Variants in KCNN2 observed in about 807,000 individuals in gnomAD.
KCNN2 encodes the protein small conductance calcium-activated potassium channel protein 2.
A neutral mutation model predicts 55.5 loss-of-function variants in KCNN2; 24 were observed. That is an observed-to-expected ratio of 0.43 (90% CI 0.31 to 0.61). The LOEUF (loss-of-function observed/expected upper bound fraction) is 0.61, where lower values mean the gene tolerates loss of function less well. Ranked by LOEUF, KCNN2 falls within the 20% of genes least tolerant of loss-of-function variation. The pLI, the probability that KCNN2 is intolerant of heterozygous loss-of-function variation, is 0.08. For synonymous variants in KCNN2, 431 were observed against 336.1 expected, an observed-to-expected ratio of 1.28 and a Z score of -3.09; for missense variants, 754 against 853.6, an observed-to-expected ratio of 0.88 and a Z score of 1.45.
chr5:114,272,351 T>A (rs1244453683), intron 2 of KCNN2, among the ~76,000 whole-genome samples: 1 of 49,148 alleles, frequency 2.0e-5, no homozygotes, highest in Admixed American at 2.9e-4. Context: ...TATATGTATG[T>A]ACATACCATA....
intron 1 of KCNN2, among the ~76,000 whole-genome samples, chr5:114,082,860 A>G (rs561387820): frequency 1.3e-5 from 2 of 152,304 alleles, no homozygotes; most frequent in Admixed American, 6.5e-5. Flanking sequence ...AAGATCGTCA[A>G]AATCATAGCC....
intron 1 of KCNN2, among the ~76,000 whole-genome samples, chr5:114,060,379 C>T (rs1354070295): frequency 2.6e-5 from 4 of 152,244 alleles, no homozygotes; most frequent in Non-Finnish European, 5.9e-5. Flanking sequence ...TCCCTTATGT[C>T]CCTTATTTAC....
chr5:114,466,048 A>C (rs905575822), intron 4 of KCNN2, among the ~76,000 whole-genome samples: 1 of 152,106 alleles, frequency 6.6e-6, no homozygotes, highest in Non-Finnish European at 1.5e-5. Context: ...AGAATGTAGA[A>C]ATTTCTTCAT....
At chr5:114,349,565 A>G (rs978095079) in intron 2 of KCNN2, among the ~76,000 whole-genome samples, 2 of 152,104 alleles carry the variant, frequency 1.3e-5, no homozygotes, top group African/African-American at 4.8e-5. Flanking sequence ...CAAAATTCAA[A>G]AAAATAAAAA....
chr5:114,484,422 A>G (rs1020330140), intron 5 of KCNN2, among the ~76,000 whole-genome samples: 2 of 152,216 alleles, frequency 1.3e-5, no homozygotes, highest in African/African-American at 4.8e-5. Context: ...TTACTACACA[A>G]TGTATTCATG....
At chr5:114,133,838 G>T (rs1752117246) in intron 1 of KCNN2, among the ~76,000 whole-genome samples, 1 of 152,148 alleles carries the variant, frequency 6.6e-6, no homozygotes. Flanking sequence ...GAGTCCGATG[G>T]TATTTTACAA....
chr5:114,456,183 T>C (rs1443157413), intron 3 of KCNN2, among the ~76,000 whole-genome samples: 2 of 152,206 alleles, frequency 1.3e-5, no homozygotes, highest in African/African-American at 4.8e-5. Flanking sequence ...ACACATGAAC[T>C]GTCTTGTTAG....
chr5:114,260,587 T>C (rs1371855786), intron 2 of KCNN2, among the ~76,000 whole-genome samples: 1 of 152,234 alleles, frequency 6.6e-6, no homozygotes, highest in South Asian at 2.1e-4. Context: ...TGTATCCCTG[T>C]ACCTAGCACA....
chr5:114,189,152 G>GTT (rs1213554017), intron 1 of KCNN2, among the ~76,000 whole-genome samples: 1 of 151,602 alleles, frequency 6.6e-6, no homozygotes, highest in East Asian at 1.9e-4. Flanking sequence ...GTGTGTGTGT[G>GTT]TGTATGTGTG....
chr5:114,138,755 A>T (rs1395832394), intron 1 of KCNN2, among the ~76,000 whole-genome samples: 1 of 152,124 alleles, frequency 6.6e-6, no homozygotes, highest in African/African-American at 2.4e-5. Context: ...GGACCCAGAT[A>T]TCTGTAAGGA....
At chr5:114,087,652 C>T (rs1236839911) in intron 1 of KCNN2, among the ~76,000 whole-genome samples, 1 of 152,080 alleles carries the variant, frequency 6.6e-6, no homozygotes, top group Non-Finnish European at 1.5e-5. Context: ...TACCACTTTA[C>T]TTTCTAAAAT....
intron 2 of KCNN2, among the ~76,000 whole-genome samples, chr5:114,290,932 G>A (rs1755874089): frequency 1.3e-5 from 2 of 151,934 alleles, no homozygotes; most frequent in South Asian, 2.1e-4. Context: ...GCTTCATGAA[G>A]CTAGAACCAT....
chr5:114,449,734 A>G (rs1321523340), intron 3 of KCNN2, among the ~76,000 whole-genome samples: 1 of 151,874 alleles, frequency 6.6e-6, no homozygotes, highest in African/African-American at 2.4e-5. Context: ...AAAAATATCC[A>G]CAGGGATTTT....
At chr5:114,437,111 G>A (rs943169986) in intron 3 of KCNN2, among the ~76,000 whole-genome samples, 1 of 151,888 alleles carries the variant, frequency 6.6e-6, no homozygotes, top group Admixed American at 6.6e-5. Flanking sequence ...TGAGCTTTAA[G>A]TACAAGTCTT....
chr5:114,283,566 A>G (rs377081107), intron 2 of KCNN2, among the ~76,000 whole-genome samples: 25 of 152,090 alleles, frequency 1.6e-4, no homozygotes, highest in Admixed American at 4.6e-4. Flanking sequence ...GATTTTGACT[A>G]TTGTCATCTT....
chr5:114,242,532 GA>G (rs1333576787), intron 2 of KCNN2, among the ~76,000 whole-genome samples: 2 of 152,134 alleles, frequency 1.3e-5, no homozygotes, highest in African/African-American at 4.8e-5. Context: ...TCTACCAAAA[GA>G]ATGATTATAT....
intron 2 of KCNN2, among the ~76,000 whole-genome samples, chr5:114,258,157 A>G (rs990894380): frequency 6.6e-6 from 1 of 152,086 alleles, no homozygotes; most frequent in Non-Finnish European, 1.5e-5. Context: ...ACTGATTTGC[A>G]TATGTTGAAC....
intron 3 of KCNN2, among the ~76,000 whole-genome samples, chr5:114,459,504 T>C (rs1382896523): frequency 6.6e-6 from 1 of 152,216 alleles, no homozygotes; most frequent in Non-Finnish European, 1.5e-5. Context: ...CCTGGGGATG[T>C]TCAAAATGAT....
chr5:114,076,504 C>G (rs1023004308), intron 1 of KCNN2, among the ~76,000 whole-genome samples: 3 of 152,118 alleles, frequency 2.0e-5, no homozygotes, highest in Non-Finnish European at 4.4e-5. Context: ...ATAAAAGGAT[C>G]CTTACACAAA....
Sources: gnomAD v4.1 joint callset for allele counts (sites outside exome capture counted in the v4.1 genomes callset) on GRCh38, gnomAD v4.1.1 for gene constraint, MANE v1.5 for transcripts, NCBI Gene and HGNC (gene_info 2026-07-23, HGNC 2026-07-21) for gene names.